The following TBC1D21 variants were observed in gnomAD, a reference collection of about 807,000 sequenced individuals.
The protein encoded by TBC1D21 is male germ cell Rab GTPase-activating protein.
TBC1D21 carries 38 observed loss-of-function variants against 46.0 expected under a neutral mutation model. The observed-to-expected ratio is 0.83, with a 90% CI of 0.64 to 1.08. TBC1D21 has a LOEUF of 1.08. Among genes scored for constraint, TBC1D21 ranks in the 50% least tolerant of loss-of-function variants. The pLI is 0.00. For synonymous variants in TBC1D21, 151 were observed against 157.2 expected, an observed-to-expected ratio of 0.96 and a Z score of 0.29; for missense variants, 415 against 417.9, an observed-to-expected ratio of 0.99 and a Z score of 0.06.
intron 1 of TBC1D21, among the ~76,000 whole-genome samples, chr15:73,879,296 C>T (rs888630489): frequency 2.6e-5 from 4 of 152,212 alleles, no homozygotes; most frequent in African/African-American, 9.7e-5. Flanking sequence ...CAATCTCCGC[C>T]TCCCAGGTTC....
At chr15:73,877,863 C>A (rs1009227338) in intron 1 of TBC1D21, among the ~76,000 whole-genome samples, 1 of 152,014 alleles carries the variant, frequency 6.6e-6, no homozygotes, top group African/African-American at 2.4e-5. Context: ...CAAAATCCAA[C>A]ATCCATTCCT....
chr15:73,873,812 T>G lies in TBC1D21; in HGVS notation c.60+43T>G, dbSNP rs373094855. ...GCTCTGAGTGCCTCCCTCCCCAGCC[T>G]CTGGTTGGCACTGGGACCATTTTCC... is the stretch of plus-strand genomic sequence containing the variant. On this transcript the variant is annotated intron_variant, in intron 1 of 10. Coordinates refer to ENST00000300504, the MANE Select transcript of TBC1D21 (RefSeq NM_153356.3). 3.3e-5 allele frequency: 53 copies of G among 1,591,586 alleles called. No homozygotes were observed. In the African/African-American group the frequency reaches 7.1e-4, roughly 21 times the overall value.
At chr15:73,895,258 G>A in the TBC1D21 span, among the ~76,000 whole-genome samples, 2 of 152,134 alleles carry the variant, frequency 1.3e-5, no homozygotes, top group African/African-American at 4.8e-5. Flanking sequence ...CACTTAGAGG[G>A]AGTTCAAGGA....
At chr15:73,896,009 T>C in the TBC1D21 span, among the ~76,000 whole-genome samples, 2 of 151,830 alleles carry the variant, frequency 1.3e-5, no homozygotes, top group African/African-American at 4.8e-5. Context: ...GTGGAAGTGA[T>C]AGAGTTGGAA....
intron 1 of TBC1D21, among the ~76,000 whole-genome samples, chr15:73,875,058 C>G (rs1264801722): frequency 1.3e-5 from 2 of 151,968 alleles, no homozygotes; most frequent in African/African-American, 4.8e-5. Flanking sequence ...ACCAGCCTGG[C>G]CAATATGGCA....
At chr15:73,888,371 G>A in intron 9 of TBC1D21, 59 bp from the exon 10 acceptor site, 2 of 1,446,640 alleles carry the variant, frequency 1.4e-6, no homozygotes, top group South Asian at 1.2e-5. Context: ...ATGTGCCCAA[G>A]AGTGCTGGGA....
In TBC1D21 at chr15:73,884,258, G is replaced by A; in HGVS notation, c.367+13G>A. The A allele has an allele frequency of 6.2e-7, 1 of 1,612,968 alleles. No individual in the cohort carries two copies. The highest frequency in any genetic ancestry group is 8.5e-7 in the Non-Finnish European group (1 of 1,178,882). On this transcript the variant is annotated intron_variant, in intron 4 of 10. Coordinates refer to ENST00000300504, the MANE Select transcript of TBC1D21 (RefSeq NM_153356.3). ...CGCAATAACATTGGTGAGCAAAGTG[G>A]GGTGGAGAGGGCTGGGCAGAGGGAG... is the stretch of plus-strand genomic sequence containing the variant.
the TBC1D21 span, among the ~76,000 whole-genome samples, chr15:73,894,544 G>A: frequency 1.3e-5 from 2 of 152,220 alleles, no homozygotes; most frequent in Non-Finnish European, 2.9e-5. Context: ...GTGGGCTGGG[G>A]GTCTGGGGTT....
chr15:73,901,516 A>T, the TBC1D21 span, among the ~76,000 whole-genome samples: 1 of 152,360 alleles, frequency 6.6e-6, no homozygotes, highest in Non-Finnish European at 1.5e-5. Flanking sequence ...GAATTACCAC[A>T]AACTTGGTGG....
At chr15:73,902,106 C>T in the TBC1D21 span, among the ~76,000 whole-genome samples, 18 of 152,318 alleles carry the variant, frequency 1.2e-4, no homozygotes, top group East Asian at 5.8e-4. Flanking sequence ...CGAGCCACCG[C>T]GCCTGGCCAA....
At chr15:73,898,902 T>TATATATATATAC in the TBC1D21 span, among the ~76,000 whole-genome samples, 28 of 112,842 alleles carry the variant, frequency 2.5e-4, no homozygotes, top group Non-Finnish European at 4.0e-4. Context: ...TATATATATA[T>TATATATATATAC]ACACACACAC....
chr15:73,889,346 T>C, downstream of TBC1D21: 2 of 508,922 alleles, frequency 3.9e-6, no homozygotes, highest in Non-Finnish European at 7.1e-6. Flanking sequence ...GGGTGCTTGC[T>C]GGAAGAGACT....
intron 4 of TBC1D21, among the ~76,000 whole-genome samples, chr15:73,884,535 G>GA (rs1285698319): frequency 6.6e-6 from 1 of 152,192 alleles, no homozygotes; most frequent in African/African-American, 2.4e-5. Context: ...GGACAGAGAG[G>GA]AAGGGTGGGG....
At position 73,884,160 on chromosome 15, in the gene TBC1D21, C is replaced by G. The variant is rs1318953025; in HGVS notation, c.282C>G (p.Tyr94Ter). The change falls in exon 4 of 11, where the codon TAC becomes TAG. Residue 94 changes from tyrosine to a stop codon, truncating the protein, a stop_gained. Coordinates refer to ENST00000300504, the MANE Select transcript of TBC1D21 (RefSeq NM_153356.3). LOFTEE classifies it high-confidence loss of function. Reference protein sequence around the residue: ...LTVDSMRRKNYKALCQMYEKI... With the variant: ...LTVDSMRRKN ...AGTTCTGTTCTCACAGGAAGAACTA[C>G]AAGGCCTTATGCCAAATGTATGAGA... The G allele has an allele frequency of 1.2e-6, 2 of 1,614,118 alleles. No individual in the cohort carries two copies. The highest frequency in any genetic ancestry group is 1.7e-6 in the Non-Finnish European group (2 of 1,179,956).
At chr15:73,883,094 T>A (rs1475679874) in intron 3 of TBC1D21, among the ~76,000 whole-genome samples, 1 of 152,186 alleles carries the variant, frequency 6.6e-6, no homozygotes, top group Non-Finnish European at 1.5e-5. Context: ...TGTGGCTGCA[T>A]GACTATGTAG....
chr15:73,874,275 T>A (rs928816569), intron 1 of TBC1D21, among the ~76,000 whole-genome samples: 13 of 152,298 alleles, frequency 8.5e-5, no homozygotes, highest in African/African-American at 3.1e-4. Flanking sequence ...ATTAAGAGAG[T>A]GATACATAAA....
chr15:73,908,504 C>T, the TBC1D21 span: 1 of 152,560 alleles, frequency 6.6e-6, no homozygotes, highest in Non-Finnish European at 1.5e-5. Flanking sequence ...CAGCCCTCTC[C>T]AACCTAGCCA....
At chr15:73,896,308 T>A in the TBC1D21 span, among the ~76,000 whole-genome samples, 1 of 151,870 alleles carries the variant, frequency 6.6e-6, no homozygotes, top group Non-Finnish European at 1.5e-5. Context: ...AGGTGAGGGG[T>A]GGAAGTCATG....
chr15:73,900,253 C>G, the TBC1D21 span, among the ~76,000 whole-genome samples: 8 of 152,322 alleles, frequency 5.3e-5, no homozygotes, highest in East Asian at 1.5e-3. Context: ...ACAGGCCCCT[C>G]TGCGCAGACA....
Sources: gnomAD v4.1 joint callset for allele counts (sites outside exome capture counted in the v4.1 genomes callset) on GRCh38, gnomAD v4.1.1 for gene constraint, MANE v1.5 for transcripts, NCBI Gene and HGNC (gene_info 2026-07-23, HGNC 2026-07-21) for gene names.